The following SLC4A7 variants were observed in gnomAD, a reference collection of about 807,000 sequenced individuals.
The protein encoded by SLC4A7 is solute carrier family 4 member 7, also known as sodium bicarbonate cotransporter 3.
Under a neutral mutation model 137.6 loss-of-function variants are expected in SLC4A7, and 51 were observed. The observed-to-expected ratio is 0.37, with a 90% CI of 0.30 to 0.47. The LOEUF is 0.47. SLC4A7 is among the 20% of genes least tolerant of loss of function. The probability of loss-of-function intolerance (pLI) is 1.00; values close to 1 mark genes in which losing one functional copy is unlikely to be tolerated. For synonymous variants in SLC4A7, 542 were observed against 518.6 expected, an observed-to-expected ratio of 1.05 and a Z score of -0.61; for missense variants, 1,247 against 1,525.4, an observed-to-expected ratio of 0.82 and a Z score of 3.04.
chr3:27,437,910 A>C (rs954204944), intron 3 of SLC4A7, among the ~76,000 whole-genome samples: 11 of 152,216 alleles, frequency 7.2e-5, no homozygotes, highest in African/African-American at 2.7e-4. Context: ...TTAAAATATA[A>C]GCTAAGGCCA....
intron 9 of SLC4A7, 147 bp from the exon 10 acceptor site, chr3:27,420,934 G>T: frequency 1.9e-6 from 1 of 523,154 alleles, no homozygotes; most frequent in Non-Finnish European, 3.3e-6. Flanking sequence ...ACTGAAAAAA[G>T]ATGGCAACTC....
chr3:27,397,490 CA>C (rs1361759872), intron 18 of SLC4A7, among the ~76,000 whole-genome samples, 193 bp downstream of exon 18: 2 of 151,930 alleles, frequency 1.3e-5, no homozygotes, highest in Non-Finnish European at 2.9e-5. Context: ...TTTAAGTTCA[CA>C]TGTCTCTTTT....
chr3:27,425,050 A>G (rs1373190124), intron 7 of SLC4A7, among the ~76,000 whole-genome samples: 1 of 152,208 alleles, frequency 6.6e-6, no homozygotes, highest in Non-Finnish European at 1.5e-5. Context: ...ATGAATTCTA[A>G]TTCTGCAAAA....
In SLC4A7 at chr3:27,372,993, A is replaced by G. The variant is rs1489754296; in HGVS notation, c.*3771T>C. 6.6e-6 allele frequency: 1 copy of G among 152,460 alleles called. No homozygotes were observed. Among genetic ancestry groups the G allele is most frequent in the Non-Finnish European group, 1.5e-5 (1 of 67,964 alleles). 9.4% of individuals were successfully genotyped at this position (152,460 alleles called of 1,614,324 possible). On this transcript the variant is annotated 3_prime_UTR_variant, in exon 26 of 26. Coordinates refer to ENST00000454389, the MANE Select transcript of SLC4A7 (RefSeq NM_001321103.2). ...ATTACATCAAGGTATCAGATTTTATATAAATGAACAATAAAATTCAATTTT... is the reference window on the plus strand; with the variant it reads ...ATTACATCAAGGTATCAGATTTTATGTAAATGAACAATAAAATTCAATTTT...
At chr3:27,442,148 A>G (rs2057250218) in intron 3 of SLC4A7, among the ~76,000 whole-genome samples, 1 of 152,094 alleles carries the variant, frequency 6.6e-6, no homozygotes, top group Non-Finnish European at 1.5e-5. Flanking sequence ...AGCCTCCCAA[A>G]GTTCTGGGAT....
intron 1 of SLC4A7, among the ~76,000 whole-genome samples, chr3:27,468,451 G>A (rs557383112): frequency 1.4e-4 from 22 of 152,202 alleles, no homozygotes; most frequent in African/African-American, 4.1e-4. Flanking sequence ...GATACACACC[G>A]GTCACACTCA....
intron 1 of SLC4A7, among the ~76,000 whole-genome samples, chr3:27,471,915 C>G (rs2059264014): frequency 6.6e-6 from 1 of 152,182 alleles, no homozygotes; most frequent in African/African-American, 2.4e-5. Flanking sequence ...TCCTGTGAGG[C>G]CGATTGAAAA....
chr3:27,409,610 A>G, intron 12 of SLC4A7, 80 bp from the exon 13 acceptor site: 1 of 1,105,012 alleles, frequency 9.0e-7, no homozygotes, highest in African/African-American at 1.6e-5. Context: ...GGGCTACACA[A>G]AACTGCTGGT....
chr3:27,420,950 G>C (rs181877606), intron 9 of SLC4A7, among the ~76,000 whole-genome samples, 163 bp from the exon 10 acceptor site: 1 of 151,824 alleles, frequency 6.6e-6, no homozygotes, highest in East Asian at 2.0e-4. Context: ...AACTCCACCC[G>C]GACTAAAGGA....
chr3:27,407,142 G>GTTTC (rs2053450239), intron 13 of SLC4A7, among the ~76,000 whole-genome samples: 1 of 127,038 alleles, frequency 7.9e-6, no homozygotes, highest in African/African-American at 2.9e-5. Flanking sequence ...TTTTTGAACT[G>GTTTC]TTTCTATGTT....
chr3:27,428,692 G>A (rs930394739), intron 7 of SLC4A7, among the ~76,000 whole-genome samples: 13 of 152,168 alleles, frequency 8.5e-5, no homozygotes, highest in Admixed American at 7.2e-4. Context: ...GAAAATGGGT[G>A]TGTCCATCTA....
intron 21 of SLC4A7, 64 bp downstream of exon 21, chr3:27,391,676 A>T: frequency 5.2e-6 from 5 of 964,522 alleles, no homozygotes; most frequent in Non-Finnish European, 8.0e-6. Context: ...CATCATTAAA[A>T]CAATCTTTGC....
At chr3:27,401,028 G>C in intron 15 of SLC4A7, 159 bp from the exon 16 acceptor site, 1 of 466,930 alleles carries the variant, frequency 2.1e-6, no homozygotes, top group Non-Finnish European at 3.8e-6. Flanking sequence ...ACAACAGAAT[G>C]GAATAAAGTT....
intron 1 of SLC4A7, among the ~76,000 whole-genome samples, chr3:27,468,071 A>G (rs2059083840): frequency 6.6e-6 from 1 of 152,162 alleles, no homozygotes; most frequent in Non-Finnish European, 1.5e-5. Flanking sequence ...TTACAGGTAC[A>G]CATCACCACA....
At chr3:27,466,811 T>C (rs2059025786) in intron 1 of SLC4A7, among the ~76,000 whole-genome samples, 1 of 151,828 alleles carries the variant, frequency 6.6e-6, no homozygotes, top group African/African-American at 2.4e-5. Flanking sequence ...GAGCCGCGAT[T>C]GCGCCACTGC....
At chr3:27,479,465 C>G (rs1308255219) in intron 1 of SLC4A7, among the ~76,000 whole-genome samples, 1 of 151,938 alleles carries the variant, frequency 6.6e-6, no homozygotes, top group Non-Finnish European at 1.5e-5. Context: ...TTTTAACAGT[C>G]ATTTGAAAAT....
At chr3:27,483,040 T>G (rs542739566) in intron 1 of SLC4A7, among the ~76,000 whole-genome samples, 1 of 152,286 alleles carries the variant, frequency 6.6e-6, no homozygotes, top group East Asian at 1.9e-4. Context: ...GAGAAGTAAT[T>G]TTCCTCTTAG....
chr3:27,389,284 C>G (rs910959375), intron 22 of SLC4A7, among the ~76,000 whole-genome samples: 5 of 152,140 alleles, frequency 3.3e-5, no homozygotes, highest in Middle Eastern at 3.4e-3. Context: ...TTATTTAGAA[C>G]AGTGTTTAAT....
chr3:27,408,124 A>G (rs757049928), intron 13 of SLC4A7, among the ~76,000 whole-genome samples: 2 of 152,280 alleles, frequency 1.3e-5, no homozygotes, highest in Non-Finnish European at 2.9e-5. Context: ...TTTTCACTTA[A>G]TCACTTTTGT....
Sources: gnomAD v4.1 joint callset for allele counts (sites outside exome capture counted in the v4.1 genomes callset) on GRCh38, gnomAD v4.1.1 for gene constraint, MANE v1.5 for transcripts, NCBI Gene and HGNC (gene_info 2026-07-23, HGNC 2026-07-21) for gene names.